DHRS9: variants seen among roughly 807,000 people sequenced by gnomAD.
The protein encoded by DHRS9 is dehydrogenase/reductase SDR family member 9.
Under a neutral mutation model 26.6 loss-of-function variants are expected in DHRS9, and 18 were observed. The ratio of observed to expected loss-of-function variants is 0.68; its 90% CI spans 0.47 to 1.00. DHRS9 has a LOEUF of 1.00. Among genes scored for constraint, DHRS9 ranks in the 50% least tolerant of loss-of-function variants. The pLI is 0.00. For missense variants in DHRS9, 425 were observed against 378.7 expected (o/e 1.12, Z -1.01); for synonymous variants, 134 against 141.1 (o/e 0.95, Z 0.36).
At chr2:169,070,529 G>A (rs1015004487) in intron 1 of DHRS9, 26 of 985,192 alleles carry the variant, frequency 2.6e-5, no homozygotes, top group South Asian at 1.4e-4. Flanking sequence ...AGTATCCCTC[G>A]GCATATATTA....
In DHRS9 at chr2:169,080,627, C is replaced by T. The variant is rs1191487978; in HGVS notation, c.-59-896C>T. On this transcript the variant is annotated intron_variant, in intron 1 of 4. Coordinates refer to ENST00000674881, the MANE Select transcript of DHRS9 (RefSeq NM_001376924.1). ...AAGAAAAAGGAAAGAAAGCCCTCTA[C>T]CTGCCTGATTTTAGGCCCTAGGCTA... Among the ~76,000 whole-genome samples the T allele has an allele frequency of 2.6e-5, 4 of 152,368 alleles. No homozygotes were observed. The South Asian group carries it at 6.2e-4, about 24-fold the overall frequency.
intron 3 of DHRS9, among the ~76,000 whole-genome samples, chr2:169,090,729 G>A (rs573412341): frequency 2.0e-5 from 3 of 152,296 alleles, no homozygotes; most frequent in East Asian, 3.9e-4. Flanking sequence ...TGCTGTACAG[G>A]TGGTCCCTGA....
chr2:169,092,102 T>G, intron 4 of DHRS9, 149 bp downstream of exon 4: 1 of 924,072 alleles, frequency 1.1e-6, no homozygotes, highest in Non-Finnish European at 1.6e-6. Context: ...TTAATTTCAG[T>G]GTCATCTCTT....
chr2:169,094,392 T>A (rs776141040), intron 4 of DHRS9, among the ~76,000 whole-genome samples: 15 of 152,184 alleles, frequency 9.9e-5, no homozygotes, highest in Non-Finnish European at 1.8e-4. Flanking sequence ...CTCTTTCAAC[T>A]GTTTCCTTTG....
At chr2:169,070,666 G>A (rs1683773586) in intron 1 of DHRS9, 3 of 983,944 alleles carry the variant, frequency 3.0e-6, no homozygotes, top group Non-Finnish European at 3.6e-6. Flanking sequence ...CAATGTTTAA[G>A]TACACACAAA....
intron 4 of DHRS9, among the ~76,000 whole-genome samples, chr2:169,093,346 A>G (rs190492613): frequency 2.6e-5 from 4 of 151,924 alleles, no homozygotes; most frequent in African/African-American, 4.8e-5. Context: ...ACACACACGC[A>G]CACACACACA....
At chr2:169,090,601 G>A (rs1684490714) in intron 3 of DHRS9, among the ~76,000 whole-genome samples, 1 of 152,066 alleles carries the variant, frequency 6.6e-6, no homozygotes, top group South Asian at 2.1e-4. Context: ...TCCACTAATA[G>A]AGCTTTTAAA....
At chr2:169,078,389 T>C (rs1313201026) in intron 1 of DHRS9, among the ~76,000 whole-genome samples, 1 of 152,230 alleles carries the variant, frequency 6.6e-6, no homozygotes, top group East Asian at 1.9e-4. Context: ...ATAATTCCCC[T>C]GGGAGTTTAG....
At chr2:169,086,078 ATCTC>A (rs372463641) in intron 3 of DHRS9, among the ~76,000 whole-genome samples, 1 of 150,056 alleles carries the variant, frequency 6.7e-6, no homozygotes, top group Non-Finnish European at 1.5e-5. Flanking sequence ...TTTCTACCCC[ATCTC>A]TCTCTCTCTC....
At chr2:169,080,096 T>C (rs1684138089) in intron 1 of DHRS9, among the ~76,000 whole-genome samples, 1 of 152,058 alleles carries the variant, frequency 6.6e-6, no homozygotes, top group Non-Finnish European at 1.5e-5. Context: ...CTCAGTTCCT[T>C]TTTGAACTCA....
chr2:169,085,151 A>T (rs2105295302), intron 3 of DHRS9, among the ~76,000 whole-genome samples: 1 of 152,190 alleles, frequency 6.6e-6, no homozygotes, highest in African/African-American at 2.4e-5. Context: ...TTGTAGATGT[A>T]TGGATTTGTT....
chr2:169,074,240 ATTTC>A, intron 1 of DHRS9: 2 of 982,582 alleles, frequency 2.0e-6, no homozygotes, highest in Non-Finnish European at 2.4e-6. Flanking sequence ...TAGATGTTGT[ATTTC>A]TACTTTACAG....
At chr2:169,090,148 T>A (rs1294291574) in intron 3 of DHRS9, among the ~76,000 whole-genome samples, 1 of 152,188 alleles carries the variant, frequency 6.6e-6, no homozygotes, top group Non-Finnish European at 1.5e-5. Context: ...TGCGCCACAA[T>A]CCAGTGTCAG....
chr2:169,094,199 T>G (rs746674274), intron 4 of DHRS9, among the ~76,000 whole-genome samples: 5 of 152,228 alleles, frequency 3.3e-5, no homozygotes, highest in Non-Finnish European at 7.3e-5. Context: ...ACAAACATTT[T>G]TTTCATATAC....
chr2:169,087,767 A>C (rs925216692), intron 3 of DHRS9, among the ~76,000 whole-genome samples: 3 of 152,120 alleles, frequency 2.0e-5, no homozygotes, highest in African/African-American at 7.2e-5. Context: ...GGCTCAGGAC[A>C]AGTCTAGAAA....
intron 4 of DHRS9, among the ~76,000 whole-genome samples, chr2:169,093,450 T>C (rs934144134): frequency 2.6e-5 from 4 of 152,176 alleles, no homozygotes; most frequent in Admixed American, 2.0e-4. Context: ...ACTATAGGTT[T>C]AGAGCCACTG....
At chr2:169,074,342 T>A (rs1683897747) in intron 1 of DHRS9, 4 of 985,428 alleles carry the variant, frequency 4.1e-6, no homozygotes, top group Non-Finnish European at 4.8e-6. Flanking sequence ...CCTGCTTGCT[T>A]CTGAGGTCTG....
At chr2:169,093,343 CGCACACACACACACAT>C (rs1684593436) in intron 4 of DHRS9, among the ~76,000 whole-genome samples, 1 of 151,198 alleles carries the variant, frequency 6.6e-6, no homozygotes, top group Admixed American at 6.6e-5. Flanking sequence ...CACACACACA[CGCACACACACACACAT>C]GCACACACAC....
intron 1 of DHRS9, among the ~76,000 whole-genome samples, chr2:169,075,586 T>C (rs1683939645): frequency 6.6e-6 from 1 of 152,136 alleles, no homozygotes; most frequent in South Asian, 2.1e-4. Context: ...GGCCTAATAA[T>C]GTTCTTTCTG....
Sources: gnomAD v4.1 joint callset for allele counts (sites outside exome capture counted in the v4.1 genomes callset) on GRCh38, gnomAD v4.1.1 for gene constraint, MANE v1.5 for transcripts, NCBI Gene and HGNC (gene_info 2026-07-23, HGNC 2026-07-21) for gene names.